Variants in RNF150 observed in about 807,000 individuals in gnomAD.
RNF150 encodes ring finger protein 150.
A neutral mutation model predicts 39.3 loss-of-function variants in RNF150; 24 were observed. That is an observed-to-expected ratio of 0.61 (90% CI 0.44 to 0.86). RNF150 has a LOEUF of 0.86. Among genes scored for constraint, RNF150 ranks in the 40% least tolerant of loss-of-function variants. The pLI is 0.00. For missense variants in RNF150, 502 were observed against 587.8 expected, an observed-to-expected ratio of 0.85 and a Z score of 1.51; for synonymous variants, 255 against 227.3, an observed-to-expected ratio of 1.12 and a Z score of -1.10.
chr4:140,879,121 C>T (rs949049775), intron 6 of RNF150, among the ~76,000 whole-genome samples: 2 of 152,106 alleles, frequency 1.3e-5, no homozygotes, highest in Admixed American at 6.6e-5. Flanking sequence ...TATGCCAGTA[C>T]CATATTGTTT....
intron 1 of RNF150, among the ~76,000 whole-genome samples, chr4:141,154,528 C>A (rs1578770126): frequency 1.3e-5 from 2 of 152,272 alleles, no homozygotes; most frequent in East Asian, 3.9e-4. Context: ...AGTCAGAGAA[C>A]ACACACACTC....
intron 1 of RNF150, among the ~76,000 whole-genome samples, chr4:141,060,347 G>A (rs1273467676): frequency 5.9e-5 from 9 of 152,234 alleles, no homozygotes; most frequent in East Asian, 5.8e-4. Context: ...AAGTTCAGGC[G>A]GGAGGACTGG....
Position 141,125,460 on chromosome 4 carries a change from A to G in RNF150, c.484+6865T>C, listed in dbSNP as rs554780228. On this transcript the variant is annotated intron_variant, in intron 1 of 6. Transcript: ENST00000515673. ...ACATTATCAAATACACAACACTAAC[A>G]TCACTTCAATCTCTCAGCAACAAGT... Among the ~76,000 whole-genome samples, 7 of 152,346 alleles carry G rather than the reference A, an allele frequency of 4.6e-5. No individual in the cohort carries two copies. In the South Asian group the frequency reaches 1.4e-3, roughly 32 times the overall value.
intron 1 of RNF150, among the ~76,000 whole-genome samples, chr4:141,117,105 C>T (rs1161649088): frequency 5.5e-4 from 83 of 152,068 alleles, no homozygotes; most frequent in Non-Finnish European, 3.7e-4. Context: ...TGTAACAAAC[C>T]TGCATGTTCT....
At chr4:141,062,114 G>T (rs1244823295) in intron 1 of RNF150, among the ~76,000 whole-genome samples, 2 of 151,998 alleles carry the variant, frequency 1.3e-5, no homozygotes, top group African/African-American at 2.4e-5. Flanking sequence ...CTACAGCAGA[G>T]AAATAACCTT....
At chr4:141,141,093 A>G (rs1013399953) in intron 1 of RNF150, among the ~76,000 whole-genome samples, 1 of 152,208 alleles carries the variant, frequency 6.6e-6, no homozygotes. Flanking sequence ...ATTTCCATTG[A>G]CTAGTTCTCT....
chr4:141,182,043 G>T lies in RNF150; in HGVS notation c.-6+30751C>A, dbSNP rs139033321. On this transcript the variant is annotated intron_variant, in intron 1 of 7. Transcript: ENST00000420921. ...TTTAGATGGACTAACATGAGCTTGT[G>T]TAATCCAGCATATAAACAGAGCCAA... is the stretch of plus-strand genomic sequence containing the variant. Among the ~76,000 whole-genome samples, 980 of 152,214 alleles carry T rather than the reference G, an allele frequency of 6.4e-3. 30 individuals are homozygous for T. The highest frequency in any genetic ancestry group is 0.036 in the Admixed American group (548 of 15,272).
intron 1 of RNF150, among the ~76,000 whole-genome samples, chr4:141,060,132 A>G (rs1421876530): frequency 2.0e-5 from 3 of 152,194 alleles, no homozygotes; most frequent in Non-Finnish European, 2.9e-5. Flanking sequence ...AAAGGTGGCT[A>G]TAACAAAAGT....
chr4:141,195,127 C>CAT (rs59341151), intron 1 of RNF150, among the ~76,000 whole-genome samples: 2 of 151,474 alleles, frequency 1.3e-5, no homozygotes, highest in African/African-American at 4.9e-5. Flanking sequence ...CACACACACA[C>CAT]CTGTGCACAA....
Position 141,202,295 on chromosome 4 carries a change from A to C in RNF150, c.-6+10499T>G, listed in dbSNP as rs1034594038. 2.0e-5 allele frequency among the ~76,000 whole-genome samples: 3 copies of C among 152,138 alleles called. 1 individual carries two copies. Among genetic ancestry groups the C allele is most frequent in the African/African-American group, 7.2e-5 (3 of 41,458 alleles). On this transcript the variant is annotated intron_variant, in intron 1 of 7. Coordinates refer to the RNF150 transcript ENST00000420921. ...GTTACAGAATTCAAGTCTGGGATCA[A>C]ATGAAATCAGGGGAGCAAGTTTCTT... is the stretch of plus-strand genomic sequence containing the variant.
At chr4:140,890,283 T>G (rs1035977930) in intron 6 of RNF150, among the ~76,000 whole-genome samples, 6 of 152,254 alleles carry the variant, frequency 3.9e-5, no homozygotes, top group African/African-American at 1.4e-4. Context: ...GTTATGTATT[T>G]AATTCTTGTT....
chr4:141,132,844 C>G lies in RNF150; in HGVS notation c.-36G>C. On this transcript the variant is annotated 5_prime_UTR_variant, in exon 1 of 7. Coordinates refer to ENST00000515673, the MANE Select transcript of RNF150 (RefSeq NM_020724.2). The surrounding 1 kb of genome is among the most constrained non-coding windows in gnomAD (Gnocchi z 4.9). ...CGGGGCCCCCTCCCCGCCCCCGCGC[C>G]CTCCCTCCGTCCCGTCCCTCCTCCC... The G allele has an allele frequency of 6.4e-7, 1 of 1,566,216 alleles. No homozygotes were observed. The highest frequency in any genetic ancestry group is 8.7e-7 in the Non-Finnish European group (1 of 1,144,220).
At chr4:141,124,546 T>C (rs1014025649) in intron 1 of RNF150, among the ~76,000 whole-genome samples, 2 of 152,228 alleles carry the variant, frequency 1.3e-5, no homozygotes, top group Admixed American at 6.5e-5. Flanking sequence ...TGGAGTTACA[T>C]TTCTGATGTG....
At chr4:140,941,299 G>C (rs1190988621) in intron 4 of RNF150, among the ~76,000 whole-genome samples, 2 of 152,174 alleles carry the variant, frequency 1.3e-5, no homozygotes, top group Non-Finnish European at 2.9e-5. Flanking sequence ...GAGGAAGTCA[G>C]AGTGCAAAAT....
At chr4:141,047,971 A>T (rs1736641545) in intron 1 of RNF150, among the ~76,000 whole-genome samples, 2 of 152,138 alleles carry the variant, frequency 1.3e-5, no homozygotes, top group African/African-American at 4.8e-5. Flanking sequence ...CAATAGGAGA[A>T]TGAGAGTATG....
chr4:140,993,357 G>A (rs552391206), intron 1 of RNF150, among the ~76,000 whole-genome samples: 14 of 151,922 alleles, frequency 9.2e-5, no homozygotes, highest in African/African-American at 2.7e-4. Context: ...CCTTTTATAC[G>A]GATCCTTATA....
At chr4:141,206,001 C>G (rs1275426947) in intron 1 of RNF150, among the ~76,000 whole-genome samples, 1 of 152,106 alleles carries the variant, frequency 6.6e-6, no homozygotes, top group African/African-American at 2.4e-5. Flanking sequence ...CACTCTTTTT[C>G]CAAATTCACT....
intron 1 of RNF150, among the ~76,000 whole-genome samples, chr4:140,980,101 G>A (rs1733806505): frequency 6.6e-6 from 1 of 151,982 alleles, no homozygotes; most frequent in Non-Finnish European, 1.5e-5. Flanking sequence ...GAAGTGCAGT[G>A]GCATGATCTT....
At chr4:141,110,613 A>G (rs1487484890) in intron 1 of RNF150, among the ~76,000 whole-genome samples, 1 of 142,100 alleles carries the variant, frequency 7.0e-6, no homozygotes, top group Non-Finnish European at 1.5e-5. Context: ...GGGTCTTGCT[A>G]TGTTGACCAG....
Sources: allele counts gnomAD v4.1 joint callset (sites outside exome capture counted in the v4.1 genomes callset), GRCh38; gene constraint gnomAD v4.1.1; non-coding constraint Gnocchi (gnomAD v3.1); transcripts MANE v1.5; gene names NCBI Gene and HGNC (gene_info 2026-07-23, HGNC 2026-07-21).